ERC2: variants seen among roughly 807,000 people sequenced by gnomAD.
ERC2 encodes ELKS/RAB6-interacting/CAST family member 2.
A neutral mutation model predicts 114.8 loss-of-function variants in ERC2; 42 were observed. The ratio of observed to expected loss-of-function variants is 0.37; its 90% CI spans 0.29 to 0.47. The LOEUF (loss-of-function observed/expected upper bound fraction) is 0.47, where lower values mean the gene tolerates loss of function less well. Among genes scored for constraint, ERC2 ranks in the 20% least tolerant of loss-of-function variants. The pLI, the probability that ERC2 is intolerant of heterozygous loss-of-function variation, is 0.99. For synonymous variants in ERC2, 454 were observed against 425.5 expected (o/e 1.07, Z -0.82); for missense variants, 939 against 1,150.7 (o/e 0.82, Z 2.66).
Position 56,033,036 on chromosome 3 carries a change from G to GAA in ERC2, c.1642-14007_1642-14006dup, listed in dbSNP as rs1428838178. 1.4e-4 allele frequency among the ~76,000 whole-genome samples: 10 copies of GAA among 69,416 alleles called. 1 individual carries two copies. Among genetic ancestry groups the GAA allele is most frequent in the South Asian group, 5.2e-4 (1 of 1,938 alleles). The allele number at this position is 69,416 out of a possible 152,430, so 45.5% of individuals were successfully genotyped here. ...GAAAGAAAGAAAAAAGAAACAGAAA[G>GAA]AAAGAAAGAAAGAAAGAAAGAAAGA... is the stretch of plus-strand genomic sequence containing the variant. On this transcript the variant is annotated intron_variant, in intron 7 of 17. Coordinates refer to ENST00000288221, the MANE Select transcript of ERC2 (RefSeq NM_015576.3).
chr3:56,186,860 G>A (rs2083655688), intron 3 of ERC2, among the ~76,000 whole-genome samples: 1 of 152,038 alleles, frequency 6.6e-6, no homozygotes, highest in Non-Finnish European at 1.5e-5. Context: ...TTCTTATATG[G>A]CACGATATCA....
At chr3:56,259,890 G>T (rs1259430937) in intron 3 of ERC2, among the ~76,000 whole-genome samples, 3 of 152,106 alleles carry the variant, frequency 2.0e-5, no homozygotes, top group Admixed American at 2.0e-4. Context: ...GCTATGGGTT[G>T]GCTGATGTTA....
chr3:56,391,564 G>A (rs557651289), intron 2 of ERC2, among the ~76,000 whole-genome samples: 4 of 152,254 alleles, frequency 2.6e-5, no homozygotes, highest in South Asian at 2.1e-4. Context: ...TCATGTCTAC[G>A]TTTAAGATGA....
chr3:55,899,000 C>T (rs1233331343), intron 13 of ERC2, among the ~76,000 whole-genome samples: 2 of 152,140 alleles, frequency 1.3e-5, no homozygotes, highest in Non-Finnish European at 2.9e-5. Context: ...TGCGGCACTT[C>T]CAATGTGTCT....
Position 56,001,960 on chromosome 3 carries a change from GT to G in ERC2, c.2061+5220del, listed in dbSNP as rs570175025. On this transcript the variant is annotated intron_variant, in intron 10 of 17. Transcript: ENST00000288221. ...ATTTGTCTTTCTTCACATCTCCACT[GT>G]CCTGAGCCTGCTTATTAGCACTTCT... 1.0e-3 allele frequency among the ~76,000 whole-genome samples: 158 copies of G among 152,162 alleles called. 1 individual carries two copies. Among genetic ancestry groups the G allele is most frequent in the African/African-American group, 3.6e-3 (149 of 41,542 alleles).
At chr3:55,621,158 C>CCCA (rs1384252070) in intron 17 of ERC2, among the ~76,000 whole-genome samples, 2 of 152,124 alleles carry the variant, frequency 1.3e-5, no homozygotes, top group African/African-American at 4.8e-5. Flanking sequence ...CTAACTGCCC[C>CCCA]CCCTCCAGCC....
intron 11 of ERC2, among the ~76,000 whole-genome samples, chr3:55,991,412 A>G (rs1424006400): frequency 6.6e-6 from 1 of 152,232 alleles, no homozygotes; most frequent in Non-Finnish European, 1.5e-5. Context: ...TTTAGCATCC[A>G]CACTATACAT....
At chr3:55,989,832 C>T (rs548328336) in intron 11 of ERC2, among the ~76,000 whole-genome samples, 65 of 152,228 alleles carry the variant, frequency 4.3e-4, no homozygotes, top group Middle Eastern at 3.4e-3. Flanking sequence ...AATATACATA[C>T]AATATACATA....
At chr3:56,395,629 T>C (rs1298178446) in intron 2 of ERC2, among the ~76,000 whole-genome samples, 1 of 152,214 alleles carries the variant, frequency 6.6e-6, no homozygotes, top group Non-Finnish European at 1.5e-5. Context: ...CCATGTGATG[T>C]GCCCCTTTTC....
At chr3:55,781,043 A>G (rs1202020039) in intron 14 of ERC2, among the ~76,000 whole-genome samples, 1 of 152,224 alleles carries the variant, frequency 6.6e-6, no homozygotes, top group Non-Finnish European at 1.5e-5. Flanking sequence ...TATGTCACCC[A>G]AATACATTTG....
intron 3 of ERC2, among the ~76,000 whole-genome samples, chr3:56,276,458 C>CAAAAAAAAAAAAAA (rs2053994748): frequency 1.7e-5 from 1 of 59,472 alleles, no homozygotes; most frequent in East Asian, 2.9e-4. Context: ...CCAAACTCAG[C>CAAAAAAAAAAAAAA]TAAAAAAAAA....
chr3:56,292,869 AGAGGCCTTCCCT>A (rs1030073326), intron 3 of ERC2, among the ~76,000 whole-genome samples: 5 of 152,138 alleles, frequency 3.3e-5, no homozygotes, highest in African/African-American at 1.2e-4. Context: ...ACCCCCTCCA[AGAGGCCTTCCCT>A]GACAACCCAA....
chr3:56,438,109 A>G (rs1375540810), intron 1 of ERC2, among the ~76,000 whole-genome samples: 1 of 152,202 alleles, frequency 6.6e-6, no homozygotes, highest in Non-Finnish European at 1.5e-5. Flanking sequence ...AAAAACATAG[A>G]AATTGACCTC....
At chr3:55,668,961 G>T (rs902898539) in intron 17 of ERC2, among the ~76,000 whole-genome samples, 3 of 152,164 alleles carry the variant, frequency 2.0e-5, no homozygotes, top group Non-Finnish European at 4.4e-5. Context: ...TATTAGTTAA[G>T]TGCTACATAG....
At chr3:55,653,842 G>C (rs1422976086) in intron 17 of ERC2, among the ~76,000 whole-genome samples, 1 of 152,164 alleles carries the variant, frequency 6.6e-6, no homozygotes, top group Non-Finnish European at 1.5e-5. Flanking sequence ...TGCCATCAAG[G>C]CCATATTTGT....
At chr3:56,345,633 G>T (rs145359235) in intron 2 of ERC2, among the ~76,000 whole-genome samples, 1 of 152,178 alleles carries the variant, frequency 6.6e-6, no homozygotes, top group Non-Finnish European at 1.5e-5. Flanking sequence ...AGACAACAAT[G>T]ATACCAGTAA....
chr3:55,888,788 A>C (rs951124707), intron 13 of ERC2, among the ~76,000 whole-genome samples: 1 of 152,154 alleles, frequency 6.6e-6, no homozygotes, highest in Admixed American at 6.5e-5. Context: ...TTGAGGGATA[A>C]AAGACTACAC....
intron 14 of ERC2, among the ~76,000 whole-genome samples, chr3:55,834,268 C>T (rs1305429644): frequency 6.6e-6 from 1 of 152,168 alleles, no homozygotes; most frequent in African/African-American, 2.4e-5. Flanking sequence ...ACCTAATAGA[C>T]ATCTACAGAA....
intron 14 of ERC2, among the ~76,000 whole-genome samples, chr3:55,885,471 A>G (rs1400697098): frequency 6.6e-6 from 1 of 152,206 alleles, no homozygotes; most frequent in African/African-American, 2.4e-5. Flanking sequence ...AATAGGGCCC[A>G]TATCAGGCTT....
Sources: gnomAD v4.1 joint callset for allele counts (sites outside exome capture counted in the v4.1 genomes callset) on GRCh38, gnomAD v4.1.1 for gene constraint, MANE v1.5 for transcripts, NCBI Gene and HGNC (gene_info 2026-07-23, HGNC 2026-07-21) for gene names.